Variants in SPAG9 observed in about 807,000 individuals in gnomAD.
SPAG9 encodes sperm associated antigen 9.
In SPAG9, 35 loss-of-function variants were observed where a neutral mutation model predicts 166.5. That is an observed-to-expected ratio of 0.21 (90% CI 0.16 to 0.28). The LOEUF (loss-of-function observed/expected upper bound fraction) is 0.28, where lower values mean the gene tolerates loss of function less well. Among genes scored for constraint, SPAG9 ranks in the 10% least tolerant of loss-of-function variants. The pLI, the probability that SPAG9 is intolerant of heterozygous loss-of-function variation, is 1.00. For missense variants in SPAG9, 1,235 were observed against 1,603.3 expected (o/e 0.77, Z 3.92); for synonymous variants, 534 against 565.5 (o/e 0.94, Z 0.79).
At chr17:51,034,469 G>A (rs1356544102) in intron 5 of SPAG9, among the ~76,000 whole-genome samples, 2 of 152,068 alleles carry the variant, frequency 1.3e-5, no homozygotes, top group African/African-American at 4.8e-5. Flanking sequence ...ATTCAAAAAA[G>A]GATGGGGTAT....
intron 2 of SPAG9, among the ~76,000 whole-genome samples, chr17:51,065,617 GC>G (rs2047641314): frequency 6.6e-6 from 1 of 152,068 alleles, no homozygotes; most frequent in South Asian, 2.1e-4. Context: ...CATACTAATG[GC>G]CCCCACTAAG....
At chr17:51,042,011 CCTT>C (rs2046858303) in intron 4 of SPAG9, among the ~76,000 whole-genome samples, 1 of 152,166 alleles carries the variant, frequency 6.6e-6, no homozygotes, top group Non-Finnish European at 1.5e-5. Flanking sequence ...CTTGCAACCT[CCTT>C]CTTTGGAAGT....
At chr17:51,073,456 C>T (rs745828456) in intron 2 of SPAG9, among the ~76,000 whole-genome samples, 35 of 151,990 alleles carry the variant, frequency 2.3e-4, no homozygotes, top group Non-Finnish European at 4.9e-4. Flanking sequence ...CCACTGCATT[C>T]CAGCCTGGGC....
intron 8 of SPAG9, 86 bp downstream of exon 8, chr17:51,020,073 C>T (rs563771066): frequency 3.7e-5 from 27 of 726,588 alleles, no homozygotes; most frequent in Admixed American, 1.5e-4. Context: ...CATCTGAATC[C>T]ATTTTGTCCA....
chr17:51,090,470 G>T (rs75779685), intron 1 of SPAG9, among the ~76,000 whole-genome samples: 1 of 151,972 alleles, frequency 6.6e-6, no homozygotes, highest in Non-Finnish European at 1.5e-5. Context: ...GCAGTGAGCC[G>T]AGTCCAGCCT....
chr17:51,005,201 T>C lies in SPAG9; in HGVS notation c.1476+11A>G. On this transcript the variant is annotated intron_variant, in intron 12 of 29. Transcript: ENST00000262013. ...TAAGGTAAGAAAAAAAGTCCAAAATTGTAAACCTACATCATCGTCATCTTT... is the reference window on the plus strand; with the variant it reads ...TAAGGTAAGAAAAAAAGTCCAAAATCGTAAACCTACATCATCGTCATCTTT... 1 of 1,613,500 alleles carries C rather than the reference T, an allele frequency of 6.2e-7. No individual in the cohort carries two copies. The highest frequency in any genetic ancestry group is 1.1e-5 in the South Asian group (1 of 90,984).
At chr17:51,025,897 G>A (rs1000924603) in intron 6 of SPAG9, among the ~76,000 whole-genome samples, 1 of 151,998 alleles carries the variant, frequency 6.6e-6, no homozygotes, top group African/African-American at 2.4e-5. Context: ...AGTTTCAAAC[G>A]TAACACACAT....
At chr17:50,972,673 G>C (rs1041561965) in intron 28 of SPAG9, among the ~76,000 whole-genome samples, 5 of 152,184 alleles carry the variant, frequency 3.3e-5, no homozygotes, top group African/African-American at 1.2e-4. Flanking sequence ...CCATTAATGC[G>C]ACACACTGTA....
Position 51,046,408 on chromosome 17 carries a change from T to C in SPAG9, c.590+967A>G. On this transcript the variant is annotated intron_variant, in intron 4 of 29. Transcript: ENST00000262013. ...TTCAGGCCATTTTCCATTGTTTCAA[T>C]CTGCAACAGAAATTGTTACAAAGCA... is the stretch of plus-strand genomic sequence containing the variant. The C allele has an allele frequency of 8.2e-6, 7 of 851,136 alleles. No individual in the cohort carries two copies. The South Asian group carries it at 1.2e-4, about 15-fold the overall frequency. The allele number at this position is 851,136 out of a possible 1,614,324, so 52.7% of individuals were successfully genotyped here. A position where few individuals can be genotyped will look rare whatever the true frequency, so the allele number is the denominator to read the frequency against.
chr17:50,999,361 T>C, intron 14 of SPAG9: 4 of 823,440 alleles, frequency 4.9e-6, no homozygotes, highest in Non-Finnish European at 7.2e-6. Context: ...CAGGTCATTT[T>C]CAAGTCTCTA....
At chr17:51,017,031 T>C (rs2045727219) in intron 8 of SPAG9, among the ~76,000 whole-genome samples, 1 of 152,256 alleles carries the variant, frequency 6.6e-6, no homozygotes, top group Non-Finnish European at 1.5e-5. Context: ...GAATTTGAAA[T>C]ATATAATATT....
intron 8 of SPAG9, among the ~76,000 whole-genome samples, chr17:51,018,364 A>C (rs79543968): frequency 3.5e-4 from 51 of 145,584 alleles, no homozygotes; most frequent in African/African-American, 1.1e-3. Context: ...ACTGCATCTC[A>C]AAAAAAAAAA....
chr17:51,083,547 AT>A (rs1317950071), intron 1 of SPAG9, among the ~76,000 whole-genome samples: 1 of 94,922 alleles, frequency 1.1e-5, no homozygotes, highest in East Asian at 2.1e-4. Flanking sequence ...TCTTTATTTT[AT>A]TTATTTATTT....
At chr17:51,107,987 A>C (rs760467313) in intron 1 of SPAG9, among the ~76,000 whole-genome samples, 1 of 151,888 alleles carries the variant, frequency 6.6e-6, no homozygotes, top group African/African-American at 2.4e-5. Context: ...CCCAGAGGAA[A>C]TCTTATCAGC....
chr17:51,040,821 G>C (rs1318483553), intron 5 of SPAG9, among the ~76,000 whole-genome samples: 2 of 152,150 alleles, frequency 1.3e-5, no homozygotes, highest in Non-Finnish European at 1.5e-5. Context: ...CCTGTTTCAT[G>C]ATGAGTTGAT....
chr17:51,068,396 T>C (rs1008063122), intron 2 of SPAG9, among the ~76,000 whole-genome samples: 4 of 152,204 alleles, frequency 2.6e-5, no homozygotes, highest in Admixed American at 1.3e-4. Context: ...GAATCAATGA[T>C]CATATTCTCA....
chr17:50,970,902 G>A, intron 28 of SPAG9, 46 bp from the exon 29 acceptor site: 2 of 1,520,460 alleles, frequency 1.3e-6, no homozygotes, highest in Non-Finnish European at 1.8e-6. Flanking sequence ...TCACAGAAGG[G>A]AGGCTGTTTT....
rs528479487 is a variant in SPAG9 at position 51,106,487 on chromosome 17, C to A, written c.303+13867G>T. Among the ~76,000 whole-genome samples, 5 of 152,192 alleles carry A rather than the reference C, an allele frequency of 3.3e-5. No homozygotes were observed. In the East Asian group the frequency reaches 9.7e-4, roughly 29 times the overall value. ...TTGTCTGTTTCATTAGTGGCTACAT[C>A]CCCAGGGCTTAGAACAGTGCCTTGT... On this transcript the variant is annotated intron_variant, in intron 1 of 29. Coordinates refer to ENST00000262013, the MANE Select transcript of SPAG9 (RefSeq NM_001130528.3).
chr17:51,008,269 T>A (rs993331898), intron 9 of SPAG9, among the ~76,000 whole-genome samples: 1 of 152,118 alleles, frequency 6.6e-6, no homozygotes, highest in South Asian at 2.1e-4. Flanking sequence ...CAAGATCCAA[T>A]GGAGTGGTCT....
Sources: gnomAD v4.1 joint callset for allele counts (sites outside exome capture counted in the v4.1 genomes callset) on GRCh38, gnomAD v4.1.1 for gene constraint, MANE v1.5 for transcripts, NCBI Gene and HGNC (gene_info 2026-07-23, HGNC 2026-07-21) for gene names.